MLLT1: variants seen among roughly 807,000 people sequenced by gnomAD.
MLLT1 encodes protein ENL.
MLLT1 carries 11 observed loss-of-function variants against 55.1 expected under a neutral mutation model. That is an observed-to-expected ratio of 0.20 (90% CI 0.13 to 0.33). MLLT1 has a LOEUF of 0.33. Among genes scored for constraint, MLLT1 ranks in the 10% least tolerant of loss-of-function variants. The pLI is 1.00. For missense variants in MLLT1, 536 were observed against 760.6 expected, an observed-to-expected ratio of 0.70 and a Z score of 3.47; for synonymous variants, 323 against 320.1, an observed-to-expected ratio of 1.01 and a Z score of -0.10.
chr19:6,277,695 C>T (rs2091434590), intron 1 of MLLT1, among the ~76,000 whole-genome samples: 1 of 152,144 alleles, frequency 6.6e-6, no homozygotes, highest in African/African-American at 2.4e-5. Flanking sequence ...ACAAGGGGAA[C>T]AGACACGCTT....
rs1020954509 is a variant in MLLT1 at position 6,249,035 on chromosome 19, C to G, written c.276+13193G>C. Among the ~76,000 whole-genome samples the G allele has an allele frequency of 1.3e-5, 2 of 152,140 alleles. 1 individual carries two copies. The highest frequency in any genetic ancestry group is 2.9e-5 in the Non-Finnish European group (2 of 68,022). ...GGGTGTGTGAATCTACTTCTTTGTT[C>G]AACTGTGAATTTTATGGACTCTAAA... is the stretch of plus-strand genomic sequence containing the variant. On this transcript the variant is annotated intron_variant, in intron 3 of 11. Coordinates refer to ENST00000252674, the MANE Select transcript of MLLT1 (RefSeq NM_005934.4).
chr19:6,250,890 A>G (rs1256170143), intron 3 of MLLT1, among the ~76,000 whole-genome samples: 2 of 152,254 alleles, frequency 1.3e-5, no homozygotes, highest in Non-Finnish European at 2.9e-5. Context: ...ACAGCCATAC[A>G]GCAGAATGTT....
rs1205365397 is a variant in MLLT1, at chr19:6,219,230, G to A, written c.1111-1189C>T. 6.6e-6 allele frequency among the ~76,000 whole-genome samples: 1 copy of A among 152,114 alleles called. No individual in the cohort carries two copies. The highest frequency in any genetic ancestry group is 1.5e-5 in the Non-Finnish European group (1 of 67,994). On this transcript the variant is annotated intron_variant, in intron 6 of 11. Transcript: ENST00000252674. This position sits in a 1 kb window ranked among gnomAD's most constrained non-coding sequence, Gnocchi z 4.5. Reference sequence around the variant, plus strand: ...AAGAGGGACTTCCCAAGGGTTTACTGCAGCCCAACCCAGCCCCCTCCTGCC... The same window carrying A: ...AAGAGGGACTTCCCAAGGGTTTACTACAGCCCAACCCAGCCCCCTCCTGCC...
chr19:6,267,229 G>C, intron 2 of MLLT1, among the ~76,000 whole-genome samples: 1 of 152,002 alleles, frequency 6.6e-6, no homozygotes. Context: ...AGCTTCCCGA[G>C]TAGCTGGGAC....
In MLLT1 at chr19:6,262,353, G is replaced by T; in HGVS notation, c.194-43C>A. ...AAACACACCCATCAGCCTCCTGCCT[G>T]TTTCAGGCCCAGCTGCCAGCGGCAG... On this transcript the variant is annotated intron_variant, in intron 2 of 11. Transcript: ENST00000252674. This position sits in a 1 kb window ranked among gnomAD's most constrained non-coding sequence, Gnocchi z 4.4. 1 of 1,557,638 alleles carries T rather than the reference G, an allele frequency of 6.4e-7. No homozygotes were observed. Among genetic ancestry groups the T allele is most frequent in the Non-Finnish European group, 8.8e-7 (1 of 1,132,180 alleles).
chr19:6,213,173 G>GTA lies in MLLT1; in HGVS notation c.1552-5_1552-4dup. 1 of 1,613,964 alleles carries GTA rather than the reference G, an allele frequency of 6.2e-7. No homozygotes were observed. Among genetic ancestry groups the GTA allele is most frequent in the Non-Finnish European group, 8.5e-7 (1 of 1,179,884 alleles). On this transcript the variant is annotated splice_polypyrimidine_tract_variant and splice_region_variant and intron_variant, in intron 11 of 11. Coordinates refer to ENST00000252674, the MANE Select transcript of MLLT1 (RefSeq NM_005934.4). ...GTCTCCTCGATCAGATTCACAATCTGTAAGGTGGTGGCAGGTGGCTTCAGG... is the reference window on the plus strand; with the variant it reads ...GTCTCCTCGATCAGATTCACAATCTGTATAAGGTGGTGGCAGGTGGCTTCAGG...
Position 6,222,729 on chromosome 19 carries a change from C to T in MLLT1, c.547-45G>A, listed in dbSNP as rs756747637. The T allele has an allele frequency of 8.8e-6, 13 of 1,470,308 alleles. No homozygotes were observed. The East Asian group carries it at 1.4e-4, about 16-fold the overall frequency. 91.1% of individuals were successfully genotyped at this position (1,470,308 alleles called of 1,614,324 possible). ...GAGGGCAAGGGGAGAGACAAGGTCA[C>T]GTGGCATTGCGGGGCGCCCTGCTCC... On this transcript the variant is annotated intron_variant, in intron 5 of 11. Coordinates refer to ENST00000252674, the MANE Select transcript of MLLT1 (RefSeq NM_005934.4). The surrounding 1 kb of genome is among the most constrained non-coding windows in gnomAD (Gnocchi z 4.1).
At chr19:6,246,102 AAG>A (rs563094435) in intron 3 of MLLT1, among the ~76,000 whole-genome samples, 1 of 150,756 alleles carries the variant, frequency 6.6e-6, no homozygotes, top group Non-Finnish European at 1.5e-5. Context: ...AAAGAAAACA[AAG>A]AGAAAAAAAA....
In MLLT1 at chr19:6,235,240, C is replaced by G. The variant is rs2091048466; in HGVS notation, c.277-4527G>C. On this transcript the variant is annotated intron_variant, in intron 3 of 11. Transcript: ENST00000252674. The surrounding 1 kb of genome is among the most constrained non-coding windows in gnomAD (Gnocchi z 5.5). Reference sequence around the variant, plus strand: ...TTCCCTGGTAACTTCTGAGTGGACGCTGGCAGCACGGCTGTGCAGAGGATG... The same window carrying G: ...TTCCCTGGTAACTTCTGAGTGGACGGTGGCAGCACGGCTGTGCAGAGGATG... Among the ~76,000 whole-genome samples, 1 of 152,208 alleles carries G rather than the reference C, an allele frequency of 6.6e-6. No homozygotes were observed. The highest frequency in any genetic ancestry group is 1.5e-5 in the Non-Finnish European group (1 of 68,040).
At position 6,247,452 on chromosome 19, in the gene MLLT1, TAACA is replaced by T. The variant is rs142736560; in HGVS notation, c.276+14772_276+14775del. On this transcript the variant is annotated intron_variant, in intron 3 of 11. Coordinates refer to ENST00000252674, the MANE Select transcript of MLLT1 (RefSeq NM_005934.4). Reference sequence around the variant, plus strand: ...GGCCCGAATGCGAGAACAATTTCAATAACAAACAGGTAACAACAGACTGGATTAT... The same window carrying T: ...GGCCCGAATGCGAGAACAATTTCAATAACAGGTAACAACAGACTGGATTAT... Among the ~76,000 whole-genome samples the T allele has an allele frequency of 5.9e-3, 900 of 152,150 alleles. 11 individuals carry two copies. Among genetic ancestry groups the T allele is most frequent in the African/African-American group, 0.017 (716 of 41,498 alleles).
Position 6,240,495 on chromosome 19 carries a change from C to T in MLLT1, c.277-9782G>A, listed in dbSNP as rs958848212. Among the ~76,000 whole-genome samples, 4 of 152,258 alleles carry T rather than the reference C, an allele frequency of 2.6e-5. No homozygotes were observed. Among genetic ancestry groups the T allele is most frequent in the African/African-American group, 4.8e-5 (2 of 41,472 alleles). ...GCCCATCTGTGCTCAGCGTCCTCAC[C>T]TGTGAAGTGGGAAAGGCAGAACCCA... On this transcript the variant is annotated intron_variant, in intron 3 of 11. Coordinates refer to ENST00000252674, the MANE Select transcript of MLLT1 (RefSeq NM_005934.4). The surrounding 1 kb of genome is among the most constrained non-coding windows in gnomAD (Gnocchi z 4.7).
At chr19:6,275,274 C>T (rs775080875) in intron 1 of MLLT1, among the ~76,000 whole-genome samples, 76 of 152,294 alleles carry the variant, frequency 5.0e-4, no homozygotes, top group Non-Finnish European at 6.2e-4. Context: ...TCGGAGGCAA[C>T]GATCCCCTCC....
In MLLT1 at chr19:6,240,657, G is replaced by A. The variant is rs1182748927; in HGVS notation, c.277-9944C>T. On this transcript the variant is annotated intron_variant, in intron 3 of 11. Transcript: ENST00000252674. This position sits in a 1 kb window ranked among gnomAD's most constrained non-coding sequence, Gnocchi z 4.7. ...CCCTACAGCTCTCAGATTCAAAAGC[G>A]CTGTGGGGGTGATGTCAGACGCACA... 2.0e-5 allele frequency among the ~76,000 whole-genome samples: 3 copies of A among 152,126 alleles called. No individual in the cohort carries two copies. The highest frequency in any genetic ancestry group is 2.9e-5 in the Non-Finnish European group (2 of 68,020).
At chr19:6,236,587 G>A (rs10405572) in intron 3 of MLLT1, among the ~76,000 whole-genome samples, 3,399 of 152,266 alleles carry the variant, frequency 0.022, 141 homozygotes, top group African/African-American at 0.078. Flanking sequence ...AGCACCCTGC[G>A]GCCAGCACCC....
intron 2 of MLLT1, among the ~76,000 whole-genome samples, chr19:6,265,849 G>A (rs2091344701): frequency 6.7e-6 from 1 of 148,886 alleles, no homozygotes; most frequent in Non-Finnish European, 1.5e-5. Context: ...GGTGGTGGTG[G>A]GGGCTTGTAG....
rs762239820 is a variant in MLLT1 at position 6,222,257 on chromosome 19, G to A, written c.974C>T (p.Ser325Leu). Residue 325 changes from serine (S) to leucine (L), a missense_variant, in exon 6 of 12, where the codon TCG (serine) becomes TTG (leucine). Physicochemically the swap from Ser to Leu is moderately radical, Grantham distance 145 (BLOSUM62 -2). Around this residue, in one of 3 missense-constraint regions of MLLT1, gnomAD observed 449 missense variants for 489.0 expected, o/e 0.92. Transcript: ENST00000252674. The surrounding 1 kb of genome is among the most constrained non-coding windows in gnomAD (Gnocchi z 4.1). Reference sequence around the variant, plus strand: ...CTTGTCCTTGGCCGGCTTCTTGTCCGAGAAGGAGGAGGAGGAGGAGGTGCG... The same window carrying A: ...CTTGTCCTTGGCCGGCTTCTTGTCCAAGAAGGAGGAGGAGGAGGAGGTGCG... ...SPRTSSSSSF[S>L]DKKPAKDKSS... The A allele has an allele frequency of 4.3e-5, 69 of 1,612,736 alleles. No homozygotes were observed. The highest frequency in any genetic ancestry group is 2.9e-4 in the South Asian group (26 of 90,956).
At position 6,231,675 on chromosome 19, in the gene MLLT1, G is replaced by A. The variant is rs1419093299; in HGVS notation, c.277-962C>T. On this transcript the variant is annotated intron_variant, in intron 3 of 11. Transcript: ENST00000252674. This position sits in a 1 kb window ranked among gnomAD's most constrained non-coding sequence, Gnocchi z 5.1. ...CGCCACCACGTCTGGCTAATTTTTT[G>A]TATTTTCAGTAAAGACGGGGTTTCA... Among the ~76,000 whole-genome samples the A allele has an allele frequency of 2.0e-5, 3 of 151,906 alleles. No homozygotes were observed. Among genetic ancestry groups the A allele is most frequent in the Non-Finnish European group, 2.9e-5 (2 of 67,958 alleles).
At chr19:6,215,843 C>T (rs1166189056) in intron 8 of MLLT1, among the ~76,000 whole-genome samples, 2 of 152,162 alleles carry the variant, frequency 1.3e-5, no homozygotes, top group African/African-American at 4.8e-5. Flanking sequence ...GGAGGCCGAG[C>T]GCATGGAGCT....
intron 6 of MLLT1, among the ~76,000 whole-genome samples, chr19:6,218,792 C>T (rs1261335555): frequency 6.6e-6 from 1 of 152,228 alleles, no homozygotes; most frequent in African/African-American, 2.4e-5. Context: ...ACTGCAGACA[C>T]CTGCACGGGG....
Sources: allele counts gnomAD v4.1 joint callset (sites outside exome capture counted in the v4.1 genomes callset), GRCh38; gene constraint gnomAD v4.1.1; regional missense constraint gnomAD v4.1.1; non-coding constraint Gnocchi (gnomAD v3.1); transcripts MANE v1.5; gene names NCBI Gene and HGNC (gene_info 2026-07-23, HGNC 2026-07-21).